UGT2B7: variants seen among roughly 807,000 people sequenced by gnomAD.
UGT2B7 encodes UDP-glucuronosyltransferase 2B7.
Under a neutral mutation model 51.9 loss-of-function variants are expected in UGT2B7, and 51 were observed. That is an observed-to-expected ratio of 0.98 (90% CI 0.78 to 1.24). The LOEUF (loss-of-function observed/expected upper bound fraction) is 1.24. Among genes scored for constraint, UGT2B7 ranks in the 50% most tolerant of loss-of-function variants. UGT2B7 has a pLI of 0.00. For missense variants in UGT2B7, 727 were observed against 628.4 expected (o/e 1.16, Z -1.68); for synonymous variants, 225 against 211.6 (o/e 1.06, Z -0.55).
rs553102091 is a variant in UGT2B7 at position 69,098,578 on chromosome 4, G to A, written c.760G>A (p.Asp254Asn). ...ATTATCTGAGACAATGGGGAAAGCTGACGTATGGCTTATTCGAAACTCCTG... is the reference window on the plus strand; with the variant it reads ...ATTATCTGAGACAATGGGGAAAGCTAACGTATGGCTTATTCGAAACTCCTG... ...TTLSETMGKA[D>N]VWLIRNSWNF... The change falls in exon 2 of 6, where the codon GAC becomes AAC. Residue 254 changes from aspartate to asparagine, a missense_variant. Transcript: ENST00000305231. 1.2e-6 allele frequency: 2 copies of A among 1,610,916 alleles called. No homozygotes were observed. Among genetic ancestry groups the A allele is most frequent in the Admixed American group, 1.7e-5 (1 of 59,546 alleles).
In UGT2B7 at chr4:69,096,731, G is replaced by C. The variant is rs12233719; in HGVS notation, c.211G>C (p.Ala71Pro). Residue 71 changes from alanine (A) to proline (P), a missense_variant, in exon 1 of 6, where the codon GCT becomes CCT. By Grantham distance (27) the Ala-to-Pro change is conservative. Coordinates refer to ENST00000305231, the MANE Select transcript of UGT2B7 (RefSeq NM_001074.4). ...SILFDPNNSS[A>P]LKIEIYPTSL... ...TCTTTTTGATCCCAACAACTCATCC[G>C]CTCTTAAAATTGAAATTTATCCCAC... 1.9e-6 allele frequency: 3 copies of C among 1,613,918 alleles called. No individual in the cohort carries two copies. The Admixed American group carries it at 5.0e-5, about 27-fold the overall frequency.
intron 2 of UGT2B7, among the ~76,000 whole-genome samples, chr4:69,090,175 T>C (rs1719053281): frequency 6.6e-6 from 1 of 152,192 alleles, no homozygotes; most frequent in Non-Finnish European, 1.5e-5. Flanking sequence ...TTTCTTGTTA[T>C]TGCAATTCTA....
At chr4:69,105,171 C>A (rs760081070) in intron 3 of UGT2B7, among the ~76,000 whole-genome samples, 10 of 152,074 alleles carry the variant, frequency 6.6e-5, no homozygotes, top group African/African-American at 1.7e-4. Context: ...AACAACTCCT[C>A]CCAATGGAGG....
chr4:69,064,088 GAA>G (rs749944003), intron 1 of UGT2B7, among the ~76,000 whole-genome samples: 1,669 of 104,654 alleles, frequency 0.016, 66 homozygotes, highest in Middle Eastern at 0.031. Flanking sequence ...AAGAAAGAAA[GAA>G]AGAAAGAGAA....
Position 69,102,877 on chromosome 4 carries a change from G to T in UGT2B7, c.941G>T (p.Ser314Ile). ...VVVFSLGSMV[S>I]NMTEERANVI... ...GTGTTTTCTCTGGGGTCAATGGTCA[G>T]TAACATGACAGAAGAAAGGGCCAAC... is the stretch of plus-strand genomic sequence containing the variant. The change falls in exon 3 of 6, where the codon AGT (serine) becomes ATT (isoleucine). Residue 314 changes from serine to isoleucine, a missense_variant. By Grantham distance (142) the Ser-to-Ile change is moderately radical. Transcript: ENST00000305231. 1 of 1,613,678 alleles carries T rather than the reference G, an allele frequency of 6.2e-7. No homozygotes were observed. Among genetic ancestry groups the T allele is most frequent in the Non-Finnish European group, 8.5e-7 (1 of 1,179,756 alleles).
At chr4:69,104,253 C>T (rs1470361544) in intron 3 of UGT2B7, among the ~76,000 whole-genome samples, 1 of 152,262 alleles carries the variant, frequency 6.6e-6, no homozygotes. Context: ...CACCAATGCA[C>T]TCCAGCCTGG....
At chr4:69,063,176 G>A (rs1013187153) in intron 1 of UGT2B7, among the ~76,000 whole-genome samples, 7 of 150,938 alleles carry the variant, frequency 4.6e-5, no homozygotes, top group African/African-American at 1.2e-4. Context: ...AAAATTAGCC[G>A]GGCGTAGTGG....
At chr4:69,083,671 CT>C (rs1224547198) in intron 1 of UGT2B7, among the ~76,000 whole-genome samples, 1 of 151,726 alleles carries the variant, frequency 6.6e-6, no homozygotes, top group African/African-American at 2.4e-5. Flanking sequence ...TTTTCTTTGC[CT>C]TTTTTAAACA....
At chr4:69,086,782 C>T (rs527292491) in intron 1 of UGT2B7, among the ~76,000 whole-genome samples, 7 of 151,874 alleles carry the variant, frequency 4.6e-5, no homozygotes, top group Non-Finnish European at 1.0e-4. Flanking sequence ...ATAGCTACTA[C>T]TGTATTTTTT....
chr4:69,072,719 C>T (rs1243419045), intron 1 of UGT2B7, among the ~76,000 whole-genome samples: 1 of 152,074 alleles, frequency 6.6e-6, no homozygotes, highest in East Asian at 1.9e-4. Context: ...ACCTCACAAC[C>T]ACTCCAGTGT....
chr4:69,102,018 C>T (rs975287314), intron 2 of UGT2B7, among the ~76,000 whole-genome samples: 1 of 152,096 alleles, frequency 6.6e-6, no homozygotes, highest in Non-Finnish European at 1.5e-5. Context: ...AGTGTGATTT[C>T]AGGGAAAAGT....
chr4:69,064,068 GAAAGAAAGAAAGAA>G (rs1718423037), intron 1 of UGT2B7, among the ~76,000 whole-genome samples: 1 of 103,668 alleles, frequency 9.6e-6, no homozygotes, highest in African/African-American at 5.1e-5. Context: ...AAGAAAGAAA[GAAAGAAAGAAAGAA>G]AGAAAGAAAG....
At chr4:69,095,986 G>C (rs1207619385), upstream of UGT2B7, among the ~76,000 whole-genome samples, 1 of 151,942 alleles carries the variant, frequency 6.6e-6, no homozygotes, top group East Asian at 1.9e-4. Flanking sequence ...AGGACTATAG[G>C]GCTTATTTTG....
intron 1 of UGT2B7, among the ~76,000 whole-genome samples, chr4:69,069,487 T>C (rs1440865532): frequency 6.6e-6 from 1 of 152,094 alleles, no homozygotes; most frequent in African/African-American, 2.4e-5. Context: ...TTCTAGCCCA[T>C]AAAACAAAAT....
intron 4 of UGT2B7, 36 bp from the exon 5 acceptor site, chr4:69,108,067 C>G: frequency 6.2e-7 from 1 of 1,602,706 alleles, no homozygotes; most frequent in Non-Finnish European, 8.5e-7. Flanking sequence ...CATTTTATTC[C>G]TATGAGTAAT....
intron 1 of UGT2B7, among the ~76,000 whole-genome samples, chr4:69,058,485 G>T (rs1027102261): frequency 2.0e-5 from 3 of 152,208 alleles, no homozygotes; most frequent in Non-Finnish European, 4.4e-5. Flanking sequence ...TACAGCAGCT[G>T]CCCAGATACC....
intron 1 of UGT2B7, among the ~76,000 whole-genome samples, chr4:69,074,532 T>C (rs190061160): frequency 6.6e-6 from 1 of 151,696 alleles, no homozygotes; most frequent in Non-Finnish European, 1.5e-5. Flanking sequence ...CACTGGTTAT[T>C]TCCTCATATG....
At chr4:69,099,354 T>C (rs949470104) in intron 2 of UGT2B7, among the ~76,000 whole-genome samples, 3 of 151,266 alleles carry the variant, frequency 2.0e-5, no homozygotes, top group East Asian at 1.9e-4. Flanking sequence ...ACTCGGATGA[T>C]GGTGAGAGGC....
At chr4:69,053,703 G>A (rs1462738475) in intron 1 of UGT2B7, among the ~76,000 whole-genome samples, 1 of 152,156 alleles carries the variant, frequency 6.6e-6, no homozygotes, top group Non-Finnish European at 1.5e-5. Context: ...GCAGGGAGGA[G>A]ACAGCATTCC....
Sources: gnomAD v4.1 joint callset for allele counts (sites outside exome capture counted in the v4.1 genomes callset) on GRCh38, gnomAD v4.1.1 for gene constraint, MANE v1.5 for transcripts, NCBI Gene and HGNC (gene_info 2026-07-23, HGNC 2026-07-21) for gene names.